The following EPM2A variants were observed in gnomAD, a reference collection of about 807,000 sequenced individuals.
The protein encoded by EPM2A is EPM2A glucan phosphatase, laforin.
In EPM2A, 21 loss-of-function variants were observed where a neutral mutation model predicts 26.5. The observed-to-expected ratio is 0.79, with a 90% confidence interval of 0.56 to 1.14. The LOEUF is 1.14. Ranked by LOEUF, EPM2A falls within the 50% of genes most tolerant of loss-of-function variation. The probability of loss-of-function intolerance (pLI) is 0.00; values close to 1 mark genes in which losing one functional copy is unlikely to be tolerated. For synonymous variants in EPM2A, 217 were observed against 177.6 expected (o/e 1.22, Z -1.76); for missense variants, 458 against 440.8 (o/e 1.04, Z -0.35).
chr6:145,520,935 C>A (rs904351950), intron 2 of EPM2A, among the ~76,000 whole-genome samples: 1 of 151,980 alleles, frequency 6.6e-6, no homozygotes, highest in African/African-American at 2.4e-5. Flanking sequence ...CTAAGAGGGG[C>A]AAAAGTGATG....
chr6:145,568,622 C>A (rs1199819933), intron 2 of EPM2A, among the ~76,000 whole-genome samples: 1 of 152,174 alleles, frequency 6.6e-6, no homozygotes, highest in Admixed American at 6.5e-5. Context: ...TGCGCCCGGC[C>A]TGGAATATGT....
At position 145,711,467 on chromosome 6, in the gene EPM2A, G is replaced by T. The variant is rs578157187; in HGVS notation, c.301+23731C>A. On this transcript the variant is annotated intron_variant, in intron 1 of 3. Coordinates refer to ENST00000367519, the MANE Select transcript of EPM2A (RefSeq NM_005670.4). ...TATATTGAATTTAAACTACTTATAG[G>T]ACTCCCAGATGTAAAAGTCTTGTAG... 2.6e-5 allele frequency among the ~76,000 whole-genome samples: 4 copies of T among 152,214 alleles called. No individual in the cohort carries two copies. The South Asian group carries it at 6.2e-4, about 24-fold the overall frequency.
chr6:145,470,132 G>C (rs764809464), intron 4 of EPM2A, among the ~76,000 whole-genome samples: 5 of 151,976 alleles, frequency 3.3e-5, no homozygotes, highest in Admixed American at 6.6e-5. Context: ...AGTGACCATG[G>C]TCAACAATAA....
chr6:145,626,164 T>TGCA lies in EPM2A; in HGVS notation c.*1251_*1252insTGC. ...TTCTTCTATTCTAGCATATCATTCA[T>TGCA]GGTCCAATCCTGCATTACAGTTGGT... On this transcript the variant is annotated 3_prime_UTR_variant, in exon 4 of 4. Coordinates refer to ENST00000367519, the MANE Select transcript of EPM2A (RefSeq NM_005670.4). 2.0e-6 allele frequency: 2 copies of TGCA among 1,014,892 alleles called. No homozygotes were observed. The highest frequency in any genetic ancestry group is 8.2e-5 in the South Asian group (2 of 24,514). The allele number at this position is 1,014,892 out of a possible 1,614,324, so 62.9% of individuals were successfully genotyped here.
chr6:145,537,093 G>A (rs560110083), intron 2 of EPM2A, among the ~76,000 whole-genome samples: 29 of 152,256 alleles, frequency 1.9e-4, no homozygotes, highest in African/African-American at 6.3e-4. Context: ...TCAAATTCTG[G>A]CCATTTGGGG....
rs75260899 is a variant in EPM2A, at chr6:145,425,941, C to T, written c.556-41844G>A. ...CGCATGAGTTTCATGAAGATTATTG[C>T]TTGCTACTCAATCAAAATCCATTGT... On this transcript the variant is annotated intron_variant, in intron 4 of 4. Transcript: ENST00000638717. Among the ~76,000 whole-genome samples, 469 of 152,252 alleles carry T rather than the reference C, an allele frequency of 3.1e-3. 9 individuals are homozygous for T. In the East Asian group the frequency reaches 0.053, roughly 17 times the overall value.
chr6:145,710,428 C>T (rs897007544), intron 1 of EPM2A, among the ~76,000 whole-genome samples: 5 of 152,318 alleles, frequency 3.3e-5, no homozygotes, highest in African/African-American at 1.2e-4. Context: ...TAGATACCAT[C>T]TCACACCAGT....
chr6:145,567,681 A>G (rs1166925143), intron 2 of EPM2A, among the ~76,000 whole-genome samples: 1 of 152,226 alleles, frequency 6.6e-6, no homozygotes, highest in Non-Finnish European at 1.5e-5. Flanking sequence ...CTCTTTCCCC[A>G]ACCAAGCACA....
At chr6:145,663,682 C>T (rs1188847419) in intron 2 of EPM2A, among the ~76,000 whole-genome samples, 3 of 142,914 alleles carry the variant, frequency 2.1e-5, no homozygotes, top group South Asian at 2.3e-4. Flanking sequence ...AGATACTCCT[C>T]GAGAAGAGCA....
rs553757331 is a variant in EPM2A, at chr6:145,431,519, A to G, written c.556-47422T>C. Among the ~76,000 whole-genome samples, 4 of 152,368 alleles carry G rather than the reference A, an allele frequency of 2.6e-5. No homozygotes were observed. The South Asian group carries it at 8.3e-4, about 32-fold the overall frequency. On this transcript the variant is annotated intron_variant, in intron 4 of 4. Transcript: ENST00000638717. Reference sequence around the variant, plus strand: ...CAGTATATATAAAAGTTATGTTTACACTATACTGTGGTCTATTAAGTATGC... The same window carrying G: ...CAGTATATATAAAAGTTATGTTTACGCTATACTGTGGTCTATTAAGTATGC...
intron 2 of EPM2A, chr6:145,638,992 A>C (rs1278613459): frequency 6.6e-6 from 1 of 152,216 alleles, no homozygotes; most frequent in Non-Finnish European, 1.5e-5. Flanking sequence ...TCTCAGTTTT[A>C]GTCTTCTTTT....
At position 145,580,128 on chromosome 6, in the gene EPM2A, T is replaced by A. The variant is rs75394179; in HGVS notation, c.340+55117A>T. On this transcript the variant is annotated intron_variant, in intron 2 of 3. Transcript: ENST00000450221. ...AGATTTACCCATGGAGTTATCATTTTAAGCATTTCTTGTTTCTCTGATTAG... is the reference window on the plus strand; with the variant it reads ...AGATTTACCCATGGAGTTATCATTTAAAGCATTTCTTGTTTCTCTGATTAG... 1.1e-3 allele frequency among the ~76,000 whole-genome samples: 169 copies of A among 152,320 alleles called. 1 individual carries two copies. The highest frequency in any genetic ancestry group is 2.1e-3 in the Non-Finnish European group (140 of 68,010).
In EPM2A at chr6:145,619,855, G is replaced by C. The variant is rs945356796; in HGVS notation, c.340+15390C>G. 2.4e-4 allele frequency among the ~76,000 whole-genome samples: 37 copies of C among 152,270 alleles called. No homozygotes were observed. In the East Asian group the frequency reaches 3.9e-3, roughly 16 times the overall value. ...GTGTTAAAGTTCTCCGTTGTAAGGA[G>C]GAAGACATAATTATAAAAAATAAAA... On this transcript the variant is annotated intron_variant, in intron 2 of 3. Transcript: ENST00000450221.
intron 2 of EPM2A, among the ~76,000 whole-genome samples, chr6:145,549,410 C>T (rs1780625199): frequency 1.3e-5 from 2 of 152,062 alleles, no homozygotes; most frequent in Non-Finnish European, 2.9e-5. Context: ...ATTTTACTTG[C>T]AATGATGTAA....
At chr6:145,591,184 GAAT>G (rs1322787223) in intron 2 of EPM2A, among the ~76,000 whole-genome samples, 4 of 151,912 alleles carry the variant, frequency 2.6e-5, no homozygotes, top group African/African-American at 9.7e-5. Flanking sequence ...AATAAAAAAA[GAAT>G]AAGATGTCAA....
chr6:145,460,815 T>C (rs73560904), intron 4 of EPM2A, among the ~76,000 whole-genome samples: 6,679 of 152,244 alleles, frequency 0.044, 217 homozygotes, highest in African/African-American at 0.092. Flanking sequence ...ATATTCTCCT[T>C]AACAAATCCC....
chr6:145,401,283 C>A (rs1377503938), intron 4 of EPM2A, among the ~76,000 whole-genome samples: 2 of 152,012 alleles, frequency 1.3e-5, no homozygotes, highest in African/African-American at 4.8e-5. Context: ...TATTTGTACC[C>A]ATCTTTTTAT....
At chr6:145,580,312 G>T (rs984257859) in intron 2 of EPM2A, among the ~76,000 whole-genome samples, 1 of 152,002 alleles carries the variant, frequency 6.6e-6, no homozygotes, top group Non-Finnish European at 1.5e-5. Context: ...TAAATGATTA[G>T]CATTTGAAAT....
intron 4 of EPM2A, among the ~76,000 whole-genome samples, chr6:145,441,246 C>T (rs1028286529): frequency 1.3e-5 from 2 of 152,196 alleles, no homozygotes; most frequent in Non-Finnish European, 2.9e-5. Context: ...GTACTTTGGC[C>T]CCTTTTTAGT....
Sources: gnomAD v4.1 joint callset for allele counts (sites outside exome capture counted in the v4.1 genomes callset) on GRCh38, gnomAD v4.1.1 for gene constraint, MANE v1.5 for transcripts, NCBI Gene and HGNC (gene_info 2026-07-23, HGNC 2026-07-21) for gene names.